RASGRP3: variants seen among roughly 807,000 people sequenced by gnomAD.
The protein encoded by RASGRP3 is RAS guanyl releasing protein 3.
A neutral mutation model predicts 82.7 loss-of-function variants in RASGRP3; 54 were observed. That is an observed-to-expected ratio of 0.65 (90% confidence interval 0.52 to 0.82). RASGRP3 has a LOEUF of 0.82. RASGRP3 is among the 40% of genes least tolerant of loss of function. The probability of loss-of-function intolerance (pLI) is 0.00; values close to 1 mark genes in which losing one functional copy is unlikely to be tolerated. For missense variants in RASGRP3, 861 were observed against 828.9 expected, an observed-to-expected ratio of 1.04 and a Z score of -0.48; for synonymous variants, 309 against 300.5, an observed-to-expected ratio of 1.03 and a Z score of -0.29.
chr2:33,464,513 G>T (rs573047244), intron 2 of RASGRP3, among the ~76,000 whole-genome samples: 2 of 147,836 alleles, frequency 1.4e-5, no homozygotes, highest in Non-Finnish European at 3.0e-5. Flanking sequence ...TTGCTCTGTC[G>T]CCCAGGCTGG....
At chr2:33,478,937 T>C (rs940873308) in intron 1 of RASGRP3, among the ~76,000 whole-genome samples, 1 of 152,200 alleles carries the variant, frequency 6.6e-6, no homozygotes, top group African/African-American at 2.4e-5. Flanking sequence ...TCCAGTTCTA[T>C]AGATAGGAAA....
At chr2:33,509,265 G>C (rs1419213167) in intron 1 of RASGRP3, among the ~76,000 whole-genome samples, 1 of 152,098 alleles carries the variant, frequency 6.6e-6, no homozygotes, top group African/African-American at 2.4e-5. Flanking sequence ...AGCCAGGTGT[G>C]GTGGCACATG....
intron 1 of RASGRP3, among the ~76,000 whole-genome samples, chr2:33,496,204 AT>A (rs1404052661): frequency 6.6e-6 from 1 of 152,218 alleles, no homozygotes; most frequent in African/African-American, 2.4e-5. Flanking sequence ...ATGGTTCATT[AT>A]TTGTATGTCT....
At chr2:33,439,686 A>T (rs1574207685) in intron 1 of RASGRP3, among the ~76,000 whole-genome samples, 1 of 152,192 alleles carries the variant, frequency 6.6e-6, no homozygotes, top group Admixed American at 6.5e-5. Context: ...CTTCAAGGGA[A>T]CTGAGAGTCA....
intron 2 of RASGRP3, among the ~76,000 whole-genome samples, chr2:33,459,213 C>G (rs956212304): frequency 6.6e-6 from 1 of 152,112 alleles, no homozygotes; most frequent in South Asian, 2.1e-4. Flanking sequence ...TGGCTCACTG[C>G]AAGCTCTGCC....
intron 14 of RASGRP3, among the ~76,000 whole-genome samples, chr2:33,554,247 TACATTGTGA>T (rs1675677460): frequency 6.6e-6 from 1 of 152,282 alleles, no homozygotes; most frequent in East Asian, 1.9e-4. Flanking sequence ...TCACTTATAA[TACATTGTGA>T]ACATTGTGAA....
At chr2:33,523,085 T>C in intron 7 of RASGRP3, among the ~76,000 whole-genome samples, 1 of 152,224 alleles carries the variant, frequency 6.6e-6, no homozygotes. Context: ...TGATGCTAAC[T>C]TGAAATAATT....
chr2:33,475,564 C>T (rs545023308), upstream of RASGRP3, among the ~76,000 whole-genome samples: 2 of 152,160 alleles, frequency 1.3e-5, no homozygotes, highest in Non-Finnish European at 2.9e-5. Flanking sequence ...AAATAGGCTG[C>T]CTCTATGTCA....
intron 1 of RASGRP3, among the ~76,000 whole-genome samples, chr2:33,486,943 T>C (rs973790283): frequency 2.0e-5 from 3 of 152,180 alleles, no homozygotes; most frequent in African/African-American, 7.2e-5. Flanking sequence ...AGAACCGATT[T>C]ATATATGGCA....
chr2:33,558,017 A>G (rs1179612722), intron 15 of RASGRP3, among the ~76,000 whole-genome samples, 194 bp from the exon 16 acceptor site: 1 of 151,970 alleles, frequency 6.6e-6, no homozygotes, highest in Non-Finnish European at 1.5e-5. Flanking sequence ...AATTTTCGGA[A>G]CCTCAGGAAG....
intron 11 of RASGRP3, among the ~76,000 whole-genome samples, chr2:33,537,330 C>CCCCACACA (rs66749495): frequency 4.2e-5 from 4 of 95,686 alleles, no homozygotes; most frequent in Admixed American, 1.2e-4. Flanking sequence ...ACCGCCCCCC[C>CCCCACACA]CACACACACA....
At chr2:33,445,572 A>T (rs1665455222) in intron 1 of RASGRP3, among the ~76,000 whole-genome samples, 1 of 152,148 alleles carries the variant, frequency 6.6e-6, no homozygotes, top group African/African-American at 2.4e-5. Context: ...TGCATACTGC[A>T]CCTAAAATGC....
At chr2:33,488,188 A>G (rs972497629) in intron 1 of RASGRP3, among the ~76,000 whole-genome samples, 1 of 152,196 alleles carries the variant, frequency 6.6e-6, no homozygotes, top group Non-Finnish European at 1.5e-5. Flanking sequence ...CCTACTACAA[A>G]ACAGCCTTTG....
rs184454478 is a variant in RASGRP3 at position 33,559,550 on chromosome 2, C to T, written c.2064+520C>T. 3,443 of 510,122 alleles carry T rather than the reference C, an allele frequency of 6.7e-3. 61 individuals are homozygous for T. Among genetic ancestry groups the T allele is most frequent in the South Asian group, 0.025 (1,726 of 69,392 alleles). 31.6% of individuals were successfully genotyped at this position (510,122 alleles called of 1,614,324 possible). A position where few individuals can be genotyped will look rare whatever the true frequency, so the allele number is the denominator to read the frequency against. ...GGATCTCTAAACCAGGCTCTGCCTCCGCATGAGCAAAATCATGCAAAGCAA... is the reference window on the plus strand; with the variant it reads ...GGATCTCTAAACCAGGCTCTGCCTCTGCATGAGCAAAATCATGCAAAGCAA... On this transcript the variant is annotated intron_variant, in intron 17 of 17. Coordinates refer to ENST00000403687, the MANE Select transcript of RASGRP3 (RefSeq NM_001139488.2).
chr2:33,472,870 C>CAAAAAAAAAAAAA (rs57159320), upstream of RASGRP3, among the ~76,000 whole-genome samples: 6 of 68,082 alleles, frequency 8.8e-5, no homozygotes, highest in Non-Finnish European at 1.8e-4. Flanking sequence ...GACTCCGTCT[C>CAAAAAAAAAAAAA]AAAAAAAAAA....
At chr2:33,497,858 G>A (rs1669471866) in intron 1 of RASGRP3, among the ~76,000 whole-genome samples, 1 of 152,120 alleles carries the variant, frequency 6.6e-6, no homozygotes, top group African/African-American at 2.4e-5. Flanking sequence ...AGAGTAAGAA[G>A]CATATTATAG....
intron 2 of RASGRP3, among the ~76,000 whole-genome samples, chr2:33,465,201 A>T (rs1194652019): frequency 6.6e-6 from 1 of 152,234 alleles, no homozygotes; most frequent in African/African-American, 2.4e-5. Context: ...CTTATTGCTG[A>T]TATGAAGAAA....
At chr2:33,534,583 C>T (rs1574446631) in intron 11 of RASGRP3, among the ~76,000 whole-genome samples, 183 bp downstream of exon 11, 1 of 151,868 alleles carries the variant, frequency 6.6e-6, no homozygotes, top group Non-Finnish European at 1.5e-5. Flanking sequence ...GGCTGGAGTG[C>T]AATGGTGCGA....
intron 12 of RASGRP3, among the ~76,000 whole-genome samples, chr2:33,541,838 T>G (rs1322041238): frequency 6.8e-6 from 1 of 147,630 alleles, no homozygotes; most frequent in African/African-American, 2.4e-5. Flanking sequence ...CTTCTGACAT[T>G]GATGTCATGC....
Sources: gnomAD v4.1 joint callset for allele counts (sites outside exome capture counted in the v4.1 genomes callset) on GRCh38, gnomAD v4.1.1 for gene constraint, MANE v1.5 for transcripts, NCBI Gene and HGNC (gene_info 2026-07-23, HGNC 2026-07-21) for gene names.